Variants in TBC1D14 observed in about 807,000 individuals in gnomAD.
The protein encoded by TBC1D14 is TBC1 domain family, member 14.
A neutral mutation model predicts 79.0 loss-of-function variants in TBC1D14; 26 were observed. The ratio of observed to expected loss-of-function variants is 0.33; its 90% CI spans 0.24 to 0.46. The LOEUF (loss-of-function observed/expected upper bound fraction) is 0.46, where lower values mean the gene tolerates loss of function less well. Ranked by LOEUF, TBC1D14 falls within the 20% of genes least tolerant of loss-of-function variation. The pLI is 1.00. For missense variants in TBC1D14, 769 were observed against 887.6 expected (o/e 0.87, Z 1.70); for synonymous variants, 394 against 349.9 (o/e 1.13, Z -1.40).
chr4:7,019,965 C>T (rs1206594015), intron 12 of TBC1D14, among the ~76,000 whole-genome samples: 4 of 132,140 alleles, frequency 3.0e-5, no homozygotes, highest in Admixed American at 2.3e-4. Flanking sequence ...ATGTGAACCC[C>T]GCTGGGCTCA....
intron 1 of TBC1D14, among the ~76,000 whole-genome samples, chr4:6,917,945 AG>A (rs1328427774): frequency 6.6e-6 from 1 of 152,114 alleles, no homozygotes; most frequent in African/African-American, 2.4e-5. Flanking sequence ...GTATGTTGCA[AG>A]CGGAAGTACT....
chr4:6,932,923 A>C (rs1269944725), intron 2 of TBC1D14, among the ~76,000 whole-genome samples: 1 of 152,144 alleles, frequency 6.6e-6, no homozygotes, highest in Non-Finnish European at 1.5e-5. Flanking sequence ...TCAGGATGAA[A>C]CAGCATGTTG....
Position 7,030,532 on chromosome 4 carries a change from C to A in TBC1D14, c.*140C>A. ...TCCTAACACTGGAGTTGGCCTTAAA[C>A]AAAACAAACACAAAAACTTTTAAAG... On this transcript the variant is annotated 3_prime_UTR_variant, in exon 14 of 14. Coordinates refer to ENST00000409757, the MANE Select transcript of TBC1D14 (RefSeq NM_020773.3). 1 of 798,684 alleles carries A rather than the reference C, an allele frequency of 1.3e-6. No individual in the cohort carries two copies. 49.5% of individuals were successfully genotyped at this position (798,684 alleles called of 1,614,324 possible). A position where few individuals can be genotyped will look rare whatever the true frequency, so the allele number is the denominator to read the frequency against.
intron 5 of TBC1D14, chr4:6,997,273 C>G (rs1289613237): frequency 6.6e-6 from 1 of 152,218 alleles, no homozygotes; most frequent in Non-Finnish European, 1.5e-5. Context: ...CGTCAACCTT[C>G]CAAGACTCCA....
intron 3 of TBC1D14, among the ~76,000 whole-genome samples, chr4:6,977,929 C>T (rs1407686757): frequency 2.7e-5 from 4 of 150,236 alleles, no homozygotes; most frequent in African/African-American, 7.5e-5. Flanking sequence ...TCTGCCCGGC[C>T]GCCCCGTCTG....
intron 1 of TBC1D14, among the ~76,000 whole-genome samples, chr4:6,919,307 C>T (rs543707759): frequency 1.2e-4 from 19 of 152,104 alleles, no homozygotes; most frequent in South Asian, 8.3e-4. Context: ...CCACCATGCC[C>T]GGCTAATTTT....
intron 3 of TBC1D14, among the ~76,000 whole-genome samples, chr4:6,975,157 G>A (rs1013032385): frequency 6.6e-6 from 1 of 151,898 alleles, no homozygotes; most frequent in Admixed American, 6.6e-5. Context: ...CAAGAGATCC[G>A]CCCATCTTGG....
intron 1 of TBC1D14, among the ~76,000 whole-genome samples, chr4:6,912,537 G>T (rs2108893185): frequency 6.6e-6 from 1 of 152,298 alleles, no homozygotes. Context: ...GAGGCCCAGA[G>T]CTCCATCAGT....
In TBC1D14 at chr4:6,914,249, C is replaced by T. The variant is rs1465051991; in HGVS notation, c.-18+4298C>T. ...GCCTTTGAGGACCCTGAACAATAAC[C>T]GCAGTTTCTGCCTGGTTTGCCGAAA... is the stretch of plus-strand genomic sequence containing the variant. On this transcript the variant is annotated intron_variant, in intron 1 of 13. Transcript: ENST00000409757. 3.3e-5 allele frequency among the ~76,000 whole-genome samples: 5 copies of T among 152,250 alleles called. No individual in the cohort carries two copies. In the South Asian group the frequency reaches 6.2e-4, roughly 19 times the overall value.
At chr4:7,000,325 A>G (rs1302828237) in intron 6 of TBC1D14, among the ~76,000 whole-genome samples, 2 of 152,124 alleles carry the variant, frequency 1.3e-5, no homozygotes, top group African/African-American at 2.4e-5. Context: ...GCTGCCTGGC[A>G]CTGTTCTCCG....
chr4:6,939,822 C>T (rs1237662438), intron 2 of TBC1D14, among the ~76,000 whole-genome samples: 1 of 152,098 alleles, frequency 6.6e-6, no homozygotes, highest in Non-Finnish European at 1.5e-5. Flanking sequence ...TCAGGGAGGG[C>T]TTTGGTGGGA....
intron 6 of TBC1D14, among the ~76,000 whole-genome samples, chr4:6,999,706 A>G (rs1376903596): frequency 6.6e-6 from 1 of 151,502 alleles, no homozygotes; most frequent in Non-Finnish European, 1.5e-5. Context: ...TCAGCCAGCA[A>G]ACTCCTGTGT....
intron 3 of TBC1D14, among the ~76,000 whole-genome samples, chr4:6,989,463 T>C (rs983404110): frequency 6.6e-5 from 10 of 152,196 alleles, no homozygotes; most frequent in African/African-American, 4.8e-5. Flanking sequence ...GCCCACGTCT[T>C]ACCTGTCTGT....
intron 1 of TBC1D14, among the ~76,000 whole-genome samples, chr4:6,911,177 C>G (rs1045864730): frequency 9.9e-5 from 15 of 152,184 alleles, no homozygotes; most frequent in African/African-American, 3.4e-4. Context: ...GACCAACCCT[C>G]TTACTGCTTC....
intron 3 of TBC1D14, among the ~76,000 whole-genome samples, chr4:6,992,759 C>T (rs1320763830): frequency 1.3e-5 from 2 of 152,192 alleles, no homozygotes; most frequent in Non-Finnish European, 1.5e-5. Flanking sequence ...GGGCTAGTGC[C>T]GTCTTAGGTC....
intron 2 of TBC1D14, among the ~76,000 whole-genome samples, chr4:6,934,540 A>C (rs1712121220): frequency 1.3e-5 from 2 of 151,910 alleles, no homozygotes; most frequent in Non-Finnish European, 2.9e-5. Flanking sequence ...TGCCTGTAAT[A>C]CCAGCTACTT....
chr4:6,935,580 C>T (rs1252180687), intron 2 of TBC1D14, among the ~76,000 whole-genome samples: 1 of 152,020 alleles, frequency 6.6e-6, no homozygotes, highest in Non-Finnish European at 1.5e-5. Context: ...TTCCCTCTCC[C>T]TCTCTCCCCC....
At chr4:7,017,099 G>A (rs576099492) in intron 12 of TBC1D14, among the ~76,000 whole-genome samples, 2 of 152,270 alleles carry the variant, frequency 1.3e-5, no homozygotes, top group South Asian at 2.1e-4. Flanking sequence ...TCAGGAGTTC[G>A]AGACCAACCT....
chr4:6,967,678 C>T (rs1211318122), intron 3 of TBC1D14, among the ~76,000 whole-genome samples: 1 of 152,226 alleles, frequency 6.6e-6, no homozygotes, highest in Non-Finnish European at 1.5e-5. Context: ...GGTATTTAGA[C>T]AGAGCTGGGC....
Sources: allele counts gnomAD v4.1 joint callset (sites outside exome capture counted in the v4.1 genomes callset), GRCh38; gene constraint gnomAD v4.1.1; transcripts MANE v1.5; gene names NCBI Gene and HGNC (gene_info 2026-07-23, HGNC 2026-07-21).